Variants in NTM observed in about 807,000 individuals in gnomAD.
The protein encoded by NTM is IgLON family member 2.
In NTM, 13 loss-of-function variants were observed where a neutral mutation model predicts 42.1. The ratio of observed to expected loss-of-function variants is 0.31; its 90% CI spans 0.20 to 0.49. The LOEUF is 0.49. Ranked by LOEUF, NTM falls within the 20% of genes least tolerant of loss-of-function variation. The pLI, the probability that NTM is intolerant of heterozygous loss-of-function variation, is 0.99. For synonymous variants in NTM, 187 were observed against 179.2 expected (o/e 1.04, Z -0.35); for missense variants, 373 against 452.8 (o/e 0.82, Z 1.60).
intron 1 of NTM, among the ~76,000 whole-genome samples, chr11:131,653,097 A>C (rs1218641077): frequency 1.3e-5 from 2 of 152,154 alleles, no homozygotes; most frequent in African/African-American, 4.8e-5. Context: ...GGCTTCCTTC[A>C]CCAGGTTCCC....
At chr11:131,597,963 G>A (rs758815820) in intron 1 of NTM, among the ~76,000 whole-genome samples, 9 of 152,186 alleles carry the variant, frequency 5.9e-5, no homozygotes, top group South Asian at 2.1e-4. Flanking sequence ...AACTGGAAAC[G>A]TGGCCAGTCT....
intron 1 of NTM, among the ~76,000 whole-genome samples, chr11:131,599,813 C>A (rs924351756): frequency 2.0e-5 from 3 of 152,226 alleles, no homozygotes; most frequent in Middle Eastern, 3.4e-3. Flanking sequence ...TGCAGCTGAC[C>A]CATGAAGAAT....
intron 4 of NTM, among the ~76,000 whole-genome samples, chr11:132,252,837 T>C (rs960597168): frequency 1.3e-5 from 2 of 152,132 alleles, no homozygotes; most frequent in African/African-American, 4.8e-5. Context: ...TGTACCTTGG[T>C]TAAATAAGTT....
chr11:132,002,249 C>A lies in NTM; in HGVS notation c.167+90601C>A, dbSNP rs1285451783. ...TGACTTGGTATTTGGCTGGACTTGT[C>A]TTGTGAGCTATTTGTGGCAGCTTTA... On this transcript the variant is annotated intron_variant, in intron 2 of 8. Transcript: ENST00000683400. This position sits in a 1 kb window ranked among gnomAD's most constrained non-coding sequence, Gnocchi z 4.5. 1.3e-5 allele frequency among the ~76,000 whole-genome samples: 2 copies of A among 152,128 alleles called. No individual in the cohort carries two copies. Among genetic ancestry groups the A allele is most frequent in the East Asian group, 1.9e-4 (1 of 5,184 alleles).
At chr11:131,505,733 G>A (rs562418731) in intron 1 of NTM, among the ~76,000 whole-genome samples, 5 of 152,256 alleles carry the variant, frequency 3.3e-5, no homozygotes, top group East Asian at 1.9e-4. Context: ...CAGCAGGTTC[G>A]GAGCCCATGA....
chr11:131,673,569 C>T (rs1464339621), intron 1 of NTM, among the ~76,000 whole-genome samples: 1 of 152,220 alleles, frequency 6.6e-6, no homozygotes, highest in Non-Finnish European at 1.5e-5. Flanking sequence ...TGGTGCCAGA[C>T]AGTGACGTGA....
In NTM at chr11:132,098,126, T is replaced by A. The variant is rs1389010002; in HGVS notation, c.168-48156T>A. 2.0e-5 allele frequency among the ~76,000 whole-genome samples: 3 copies of A among 152,238 alleles called. No individual in the cohort carries two copies. The East Asian group carries it at 5.8e-4, about 29-fold the overall frequency. On this transcript the variant is annotated intron_variant, in intron 2 of 8. Coordinates refer to ENST00000683400, the MANE Select transcript of NTM (RefSeq NM_001352005.2). ...TATTCTTTAATTATGAGGTGTTGAC[T>A]GATTTAAATTTAGTAACTGTTAAAA...
At chr11:131,689,120 C>T (rs1444270491) in intron 1 of NTM, among the ~76,000 whole-genome samples, 2 of 151,826 alleles carry the variant, frequency 1.3e-5, no homozygotes, top group African/African-American at 2.4e-5. Context: ...GGAACACTCT[C>T]CAAGGATGTC....
intron 1 of NTM, among the ~76,000 whole-genome samples, chr11:131,444,342 A>G (rs1019842763): frequency 9.2e-5 from 14 of 152,274 alleles, no homozygotes; most frequent in Admixed American, 1.3e-4. Context: ...TCTTATGGAA[A>G]GAGAAAGAAA....
At chr11:131,694,078 T>A (rs2075129363) in intron 1 of NTM, among the ~76,000 whole-genome samples, 1 of 152,216 alleles carries the variant, frequency 6.6e-6, no homozygotes, top group African/African-American at 2.4e-5. Flanking sequence ...GTCACATGGA[T>A]CTAACACTTG....
chr11:132,097,840 A>G (rs575709664), intron 2 of NTM, among the ~76,000 whole-genome samples: 10 of 152,190 alleles, frequency 6.6e-5, no homozygotes, highest in Non-Finnish European at 1.3e-4. Context: ...GGGTTCCGGC[A>G]TTGGTTGAGT....
At chr11:132,147,206 T>TGA (rs1228635472) in intron 3 of NTM, among the ~76,000 whole-genome samples, 21 of 126,156 alleles carry the variant, frequency 1.7e-4, no homozygotes, top group Non-Finnish European at 2.7e-4. Flanking sequence ...TGTGTGTGTG[T>TGA]GTGTGTGTGA....
At chr11:132,305,893 A>C (rs2095060080) in intron 4 of NTM, among the ~76,000 whole-genome samples, 1 of 152,080 alleles carries the variant, frequency 6.6e-6, no homozygotes, top group African/African-American at 2.4e-5. Flanking sequence ...TGTGTTTTCT[A>C]CTTATGAAGA....
At chr11:131,866,815 T>A (rs1019285232) in intron 1 of NTM, among the ~76,000 whole-genome samples, 2 of 152,228 alleles carry the variant, frequency 1.3e-5, no homozygotes, top group African/African-American at 4.8e-5. Flanking sequence ...TTCACTACAA[T>A]GTCGTGATTT....
intron 3 of NTM, among the ~76,000 whole-genome samples, chr11:132,190,298 C>T (rs191191453): frequency 6.6e-6 from 1 of 152,178 alleles, no homozygotes. Context: ...TGTGAGGTAG[C>T]ATAGCAAGGA....
At chr11:132,056,622 C>T (rs1261605422) in intron 2 of NTM, among the ~76,000 whole-genome samples, 3 of 152,216 alleles carry the variant, frequency 2.0e-5, no homozygotes, top group Non-Finnish European at 2.9e-5. Flanking sequence ...ATCAGACTCT[C>T]TTGGACTCAG....
chr11:132,238,175 G>A lies in NTM; in HGVS notation c.526+26028G>A, dbSNP rs114117039. On this transcript the variant is annotated intron_variant, in intron 4 of 8. Coordinates refer to ENST00000683400, the MANE Select transcript of NTM (RefSeq NM_001352005.2). Reference sequence around the variant, plus strand: ...CACTCTTTTTGATATACCCTTAATCGGCGAGGATGGGAGACATCCTTTGAG... The same window carrying A: ...CACTCTTTTTGATATACCCTTAATCAGCGAGGATGGGAGACATCCTTTGAG... 5.6e-3 allele frequency among the ~76,000 whole-genome samples: 849 copies of A among 152,108 alleles called. 5 individuals carry two copies. The highest frequency in any genetic ancestry group is 0.017 in the African/African-American group (715 of 41,474).
chr11:131,603,837 T>A (rs565377155), intron 1 of NTM, among the ~76,000 whole-genome samples: 4 of 152,350 alleles, frequency 2.6e-5, no homozygotes, highest in Middle Eastern at 3.4e-3. Context: ...TCAAAGTTCA[T>A]GTGTGTTGTA....
At chr11:132,316,339 A>G (rs545198173) in intron 7 of NTM, among the ~76,000 whole-genome samples, 1 of 152,370 alleles carries the variant, frequency 6.6e-6, no homozygotes, top group African/African-American at 2.4e-5. Context: ...TGCTCTTTTC[A>G]GCAGGCACAC....
Sources: gnomAD v4.1 joint callset for allele counts (sites outside exome capture counted in the v4.1 genomes callset) on GRCh38, gnomAD v4.1.1 for gene constraint, Gnocchi (gnomAD v3.1) non-coding constraint, MANE v1.5 for transcripts, NCBI Gene and HGNC (gene_info 2026-07-23, HGNC 2026-07-21) for gene names.